NOMO3: variants seen among roughly 807,000 people sequenced by gnomAD.
The protein encoded by NOMO3 is NODAL modulator 3, also known as BOS complex subunit NOMO3.
Under a neutral mutation model 69.9 loss-of-function variants are expected in NOMO3, and 15 were observed. That is an observed-to-expected ratio of 0.21 (90% CI 0.14 to 0.33). NOMO3 has a LOEUF of 0.33. NOMO3 is among the 10% of genes least tolerant of loss of function. The pLI is 1.00. For synonymous variants in NOMO3, 89 were observed against 301.9 expected (o/e 0.29, Z 7.31); for missense variants, 218 against 761.0 (o/e 0.29, Z 8.39).
At chr16:16,274,278 G>A (rs1201845065) in intron 20 of NOMO3, among the ~76,000 whole-genome samples, 1 of 127,566 alleles carries the variant, frequency 7.8e-6, no homozygotes, top group Non-Finnish European at 1.7e-5. Context: ...TGGATGGATG[G>A]ATGGATGGAT....
rs771005050 is a variant in NOMO3, at chr16:16,255,695, C to T, written c.964-25C>T. 12 of 1,593,248 alleles carry T rather than the reference C, an allele frequency of 7.5e-6. 1 individual carries two copies. Among genetic ancestry groups the T allele is most frequent in the Non-Finnish European group, 1.0e-5 (12 of 1,178,080 alleles). ...GCTCTGGCACAGGAGCACCTTCGAG[C>T]ACCTTCTTGTTCTTTGTTTTCTAGC... On this transcript the variant is annotated intron_variant, in intron 9 of 30. Coordinates refer to ENST00000399336, the MANE Select transcript of NOMO3 (RefSeq NM_001004067.4).
intron 18 of NOMO3, among the ~76,000 whole-genome samples, chr16:16,272,727 C>T (rs1342949456): frequency 1.1e-4 from 14 of 123,362 alleles, no homozygotes; most frequent in Middle Eastern, 6.3e-3. Flanking sequence ...CTTCCCTTCT[C>T]ACCACGTGGC....
intron 3 of NOMO3, among the ~76,000 whole-genome samples, chr16:16,240,881 G>A (rs903780539): frequency 7.0e-6 from 1 of 142,468 alleles, no homozygotes; most frequent in Admixed American, 6.8e-5. Flanking sequence ...ATAGTCAGGG[G>A]TAGGGTCGGG....
intron 11 of NOMO3, among the ~76,000 whole-genome samples, chr16:16,260,554 C>A (rs2049555116): frequency 7.0e-6 from 1 of 143,224 alleles, no homozygotes; most frequent in Non-Finnish European, 1.5e-5. Context: ...TTGTGTTTTC[C>A]ACTGTTTTTT....
At position 16,239,077 on chromosome 16, in the gene NOMO3, CA is replaced by C. The variant is rs1262740718; in HGVS notation, c.256-762del. Among the ~76,000 whole-genome samples, 404 of 119,158 alleles carry C rather than the reference CA, an allele frequency of 3.4e-3. 26 individuals carry two copies. Among genetic ancestry groups the C allele is most frequent in the Middle Eastern group, 8.1e-3 (2 of 246 alleles). 78.2% of individuals were successfully genotyped at this position (119,158 alleles called of 152,430 possible). On this transcript the variant is annotated intron_variant, in intron 2 of 30. Coordinates refer to ENST00000399336, the MANE Select transcript of NOMO3 (RefSeq NM_001004067.4). ...TGGGCAACAGAGCGAGGCTCCATCT[CA>C]AAAAAAAAAAACTAAAACAAAAACA...
rs371549571 is a variant in NOMO3, at chr16:16,263,124, G to A, written c.1446G>A (p.Gln482=). Residue 482 remains glutamine, a synonymous_variant, in exon 13 of 31, where the codon CAG becomes CAA. Transcript: ENST00000399336. ...GAGCAGGGCTGACGTTGAAACCCCAGACATTTCCTCTTACTGTGACCGACA... is the reference window on the plus strand; with the variant it reads ...GAGCAGGGCTGACGTTGAAACCCCAAACATTTCCTCTTACTGTGACCGACA... ...ETRAGLTLKP[Q]TFPLTVTDRP... is the part of the protein sequence containing the mutation. 30 of 1,592,464 alleles carry A rather than the reference G, an allele frequency of 1.9e-5. 4 individuals are homozygous for A. In the African/African-American group the frequency reaches 2.6e-4, roughly 14 times the overall value.
chr16:16,232,670 C>G lies in NOMO3; in HGVS notation c.4C>G (p.Leu2Val). The G allele has an allele frequency of 1.2e-6, 1 of 803,014 alleles. No homozygotes were observed. The highest frequency in any genetic ancestry group is 1.6e-6 in the Non-Finnish European group (1 of 610,702). 49.7% of individuals were successfully genotyped at this position (803,014 alleles called of 1,614,324 possible). A position where few individuals can be genotyped will look rare whatever the true frequency, so the allele number is the denominator to read the frequency against. The change falls in exon 1 of 31, where the codon CTG (leucine) becomes GTG (valine). Residue 2 changes from leucine (L) to valine (V), a missense_variant. Coordinates refer to ENST00000399336, the MANE Select transcript of NOMO3 (RefSeq NM_001004067.4). ...TCTAGCTGGGGGAGGTCGGGCCATG[C>G]TGGTGGGCCAGGGCGCGGGGCCGCT... M[L>V]VGQGAGPLGP...
rs778974786 is a variant in NOMO3, at chr16:16,265,196, G to C, written c.1806+17G>C. The C allele has an allele frequency of 6.3e-7, 1 of 1,588,088 alleles. No homozygotes were observed. The highest frequency in any genetic ancestry group is 8.5e-7 in the Non-Finnish European group (1 of 1,177,746). On this transcript the variant is annotated intron_variant, in intron 15 of 30. Transcript: ENST00000399336. ...ATCACTCTGGTATGTACGGCTTATG[G>C]AGTCTCTTATTTGGAAAAGCGCTTG...
At chr16:16,241,132 A>C (rs1186205311) in intron 3 of NOMO3, among the ~76,000 whole-genome samples, 1 of 144,268 alleles carries the variant, frequency 6.9e-6, no homozygotes, top group Non-Finnish European at 1.5e-5. Flanking sequence ...ATAGCACTTC[A>C]CCAGCACCCC....
intron 11 of NOMO3, 73 bp from the exon 12 acceptor site, chr16:16,261,428 CT>C: frequency 2.0e-6 from 3 of 1,537,520 alleles, no homozygotes; most frequent in Admixed American, 1.8e-5. Context: ...AGGGCTGCAT[CT>C]TTTTTGGTCG....
Position 16,266,608 on chromosome 16 carries a change from T to C in NOMO3, c.1807-436T>C, listed in dbSNP as rs2049621730. 5.4e-6 allele frequency: 2 copies of C among 369,032 alleles called. 1 individual carries two copies. Among genetic ancestry groups the C allele is most frequent in the Admixed American group, 6.3e-5 (2 of 31,828 alleles). 22.9% of individuals were successfully genotyped at this position (369,032 alleles called of 1,614,324 possible). Reference sequence around the variant, plus strand: ...TCCTCCTCATTCAGGTGCAGCCCTATTGTTCAGGAGAGATGTGCCCTGGGA... The same window carrying C: ...TCCTCCTCATTCAGGTGCAGCCCTACTGTTCAGGAGAGATGTGCCCTGGGA... On this transcript the variant is annotated intron_variant, in intron 15 of 30. Coordinates refer to ENST00000399336, the MANE Select transcript of NOMO3 (RefSeq NM_001004067.4).
chr16:16,238,004 C>T (rs1419240717), intron 2 of NOMO3, among the ~76,000 whole-genome samples: 1 of 143,006 alleles, frequency 7.0e-6, no homozygotes, highest in African/African-American at 2.8e-5. Flanking sequence ...ACAATCCCAT[C>T]CTCCCACATA....
At chr16:16,268,228 GT>G (rs1230151691) in intron 16 of NOMO3, among the ~76,000 whole-genome samples, 1 of 144,650 alleles carries the variant, frequency 6.9e-6, no homozygotes, top group Non-Finnish European at 1.5e-5. Context: ...GTGTCCGTAT[GT>G]TTTCGTTTTT....
chr16:16,265,675 T>A (rs1433195926), intron 15 of NOMO3, among the ~76,000 whole-genome samples: 88 of 27,964 alleles, frequency 3.1e-3, no homozygotes, highest in Non-Finnish European at 3.9e-3. Context: ...TATATATTTT[T>A]TTTTTTTTTT....
At chr16:16,254,851 C>G (rs1420046649) in intron 9 of NOMO3, among the ~76,000 whole-genome samples, 1 of 144,736 alleles carries the variant, frequency 6.9e-6, no homozygotes, top group Non-Finnish European at 1.5e-5. Context: ...GGCACAGACA[C>G]AGACACAGAC....
rs1266178123 is a variant in NOMO3 at position 16,258,665 on chromosome 16, C to G, written c.1220+2507C>G. 7.0e-5 allele frequency among the ~76,000 whole-genome samples: 10 copies of G among 142,754 alleles called. 1 individual carries two copies. Among genetic ancestry groups the G allele is most frequent in the African/African-American group, 2.9e-4 (10 of 34,484 alleles). The allele number at this position is 142,754 out of a possible 152,430, so 93.7% of individuals were successfully genotyped here. A position where few individuals can be genotyped will look rare whatever the true frequency, so the allele number is the denominator to read the frequency against. On this transcript the variant is annotated intron_variant, in intron 11 of 30. Transcript: ENST00000399336. Reference sequence around the variant, plus strand: ...CGGATCATGAGGTCAGGAGTTCAAGCGCAGCCTGGCCAGCATGGTGAAACC... The same window carrying G: ...CGGATCATGAGGTCAGGAGTTCAAGGGCAGCCTGGCCAGCATGGTGAAACC...
chr16:16,268,057 TG>T (rs1255570841), intron 16 of NOMO3, among the ~76,000 whole-genome samples: 1 of 134,174 alleles, frequency 7.5e-6, no homozygotes, highest in Admixed American at 7.2e-5. Context: ...ATCTGTGTCA[TG>T]GCACATATCA....
rs1208510585 is a variant in NOMO3, at chr16:16,267,523, C to T, written c.1894+392C>T. Among the ~76,000 whole-genome samples, 3 of 143,452 alleles carry T rather than the reference C, an allele frequency of 2.1e-5. 1 individual carries two copies. The highest frequency in any genetic ancestry group is 5.7e-5 in the African/African-American group (2 of 34,844). The allele number at this position is 143,452 out of a possible 152,430, so 94.1% of individuals were successfully genotyped here. A position where few individuals can be genotyped will look rare whatever the true frequency, so the allele number is the denominator to read the frequency against. On this transcript the variant is annotated intron_variant, in intron 16 of 30. Transcript: ENST00000399336. ...GATCTTGGCTCACTGCAGCCTCCGC[C>T]TCCTGGGTTCAGGCGATTCCCCTGC...
intron 17 of NOMO3, 144 bp downstream of exon 17, chr16:16,270,328 A>C: frequency 2.5e-6 from 2 of 785,904 alleles, no homozygotes; most frequent in Non-Finnish European, 3.9e-6. Context: ...CTAGATAAGG[A>C]TTTTAAGACA....
Sources: allele counts gnomAD v4.1 joint callset (sites outside exome capture counted in the v4.1 genomes callset), GRCh38; gene constraint gnomAD v4.1.1; transcripts MANE v1.5; gene names NCBI Gene and HGNC (gene_info 2026-07-23, HGNC 2026-07-21).